The following TG variants were observed in gnomAD, a reference collection of about 807,000 sequenced individuals.
TG encodes thyroid hormones.
A neutral mutation model predicts 324.7 loss-of-function variants in TG; 270 were observed. The observed-to-expected ratio is 0.83, with a 90% confidence interval of 0.75 to 0.92. The LOEUF is 0.92. Ranked by LOEUF, TG falls within the 40% of genes least tolerant of loss-of-function variation. The probability of loss-of-function intolerance (pLI) is 0.00; values close to 1 mark genes in which losing one functional copy is unlikely to be tolerated. For missense variants in TG, 3,591 were observed against 3,456.4 expected (o/e 1.04, Z -0.98); for synonymous variants, 1,401 against 1,327.0 (o/e 1.06, Z -1.21).
intron 41 of TG, among the ~76,000 whole-genome samples, chr8:133,045,719 AAC>A (rs1276756719): frequency 1.3e-5 from 2 of 152,106 alleles, no homozygotes; most frequent in Admixed American, 6.5e-5. Flanking sequence ...TTTTGAGGCA[AAC>A]ACATTTGGGG....
chr8:133,005,023 G>T (rs1352585468), intron 35 of TG, among the ~76,000 whole-genome samples: 2 of 152,132 alleles, frequency 1.3e-5, no homozygotes, highest in African/African-American at 2.4e-5. Context: ...TGGAGGGAGT[G>T]GTGGAAACAT....
At chr8:133,027,216 C>T (rs147486555) in intron 40 of TG, among the ~76,000 whole-genome samples, 49 of 152,326 alleles carry the variant, frequency 3.2e-4, no homozygotes, top group Non-Finnish European at 7.3e-5. Flanking sequence ...AGAGCCAATT[C>T]AACAATGAGG....
chr8:133,120,413 A>C (rs1212218240), intron 45 of TG, among the ~76,000 whole-genome samples: 2 of 152,190 alleles, frequency 1.3e-5, no homozygotes, highest in Non-Finnish European at 2.9e-5. Context: ...ACAAAGTGCC[A>C]CCAAAACTGG....
chr8:132,889,165 T>C (rs1815866682), intron 10 of TG, among the ~76,000 whole-genome samples: 2 of 152,190 alleles, frequency 1.3e-5, no homozygotes. Context: ...AAGCCATAAA[T>C]AGAATGAAGC....
chr8:132,932,339 C>G (rs1272719577), intron 23 of TG, among the ~76,000 whole-genome samples: 1 of 152,142 alleles, frequency 6.6e-6, no homozygotes, highest in Non-Finnish European at 1.5e-5. Flanking sequence ...AGGAAGACAT[C>G]TCTATCCCAG....
chr8:132,928,715 G>T (rs1822246299), intron 22 of TG, among the ~76,000 whole-genome samples: 1 of 152,188 alleles, frequency 6.6e-6, no homozygotes, highest in Non-Finnish European at 1.5e-5. Context: ...TTTACAGAAA[G>T]AAAATGCCAG....
intron 21 of TG, among the ~76,000 whole-genome samples, chr8:132,919,965 A>G (rs1350156476): frequency 6.6e-6 from 1 of 152,246 alleles, no homozygotes; most frequent in Non-Finnish European, 1.5e-5. Flanking sequence ...TAAGACTCCA[A>G]GAAAAGAAAG....
chr8:132,969,235 C>T (rs1321254769), intron 31 of TG, among the ~76,000 whole-genome samples: 1 of 152,082 alleles, frequency 6.6e-6, no homozygotes, highest in Non-Finnish European at 1.5e-5. Context: ...TTTCTAGCTT[C>T]CAACATTTTG....
At chr8:133,072,257 G>T (rs1190876188) in intron 41 of TG, among the ~76,000 whole-genome samples, 1 of 152,224 alleles carries the variant, frequency 6.6e-6, no homozygotes, top group Non-Finnish European at 1.5e-5. Flanking sequence ...TAAAATTGCT[G>T]TCTTAGCTAG....
rs1274756498 is a variant in TG, at chr8:132,935,064, G to C, written c.4933-692G>C. Among the ~76,000 whole-genome samples, 6 of 151,684 alleles carry C rather than the reference G, an allele frequency of 4.0e-5. No homozygotes were observed. In the East Asian group the frequency reaches 1.2e-3, roughly 29 times the overall value. On this transcript the variant is annotated intron_variant, in intron 24 of 47. Transcript: ENST00000220616. ...TGAACCTAGTTCTGAAAACACCCATGAAATTCTGGGTCCCTGAGTCTGCTG... is the reference window on the plus strand; with the variant it reads ...TGAACCTAGTTCTGAAAACACCCATCAAATTCTGGGTCCCTGAGTCTGCTG...
chr8:132,992,108 A>T (rs1832416025), intron 35 of TG, among the ~76,000 whole-genome samples: 1 of 152,040 alleles, frequency 6.6e-6, no homozygotes, highest in African/African-American at 2.4e-5. Context: ...CCCTTTGTTC[A>T]GTTGCTTATT....
intron 27 of TG, among the ~76,000 whole-genome samples, chr8:132,950,551 T>C (rs141449972): frequency 5.6e-4 from 86 of 152,340 alleles, no homozygotes; most frequent in African/African-American, 2.0e-3. Context: ...CAGGGCTTAG[T>C]GCTTCCTCGA....
At chr8:133,112,132 G>T (rs2979037) in intron 43 of TG, among the ~76,000 whole-genome samples, 1 of 8,644 alleles carries the variant, frequency 1.2e-4, no homozygotes, top group Non-Finnish European at 2.6e-4. Context: ...GAGTGGCTGT[G>T]CCCACCCAGG....
At chr8:132,980,918 T>C (rs1394828026) in intron 34 of TG, among the ~76,000 whole-genome samples, 1 of 139,562 alleles carries the variant, frequency 7.2e-6, no homozygotes, top group African/African-American at 2.7e-5. Flanking sequence ...CATCAGATTG[T>C]TAGGGAATTA....
intron 27 of TG, among the ~76,000 whole-genome samples, chr8:132,960,646 A>G (rs1827607974): frequency 6.6e-6 from 1 of 152,214 alleles, no homozygotes; most frequent in African/African-American, 2.4e-5. Flanking sequence ...ATGAGGCAAG[A>G]GTCTCTGAGG....
At chr8:132,887,853 T>G (rs1815651001) in intron 9 of TG, 131 bp from the exon 10 acceptor site, 2 of 935,590 alleles carry the variant, frequency 2.1e-6, no homozygotes, top group Non-Finnish European at 3.3e-6. Context: ...ATTTACAAAT[T>G]TAAGCTTCAT....
At chr8:133,090,732 C>G (rs1339500223) in intron 41 of TG, among the ~76,000 whole-genome samples, 1 of 152,208 alleles carries the variant, frequency 6.6e-6, no homozygotes, top group Non-Finnish European at 1.5e-5. Context: ...ATCATAATAT[C>G]TCCATTTTAC....
At position 132,919,391 on chromosome 8, in the gene TG, G is replaced by C; in HGVS notation, c.4394G>C (p.Gly1465Ala). Reference sequence around the variant, plus strand: ...TTTTTTCTAGTTAAGTGTCCTGAAGGAAGCTATTCCCAAGATGAGGAATGC... The same window carrying C: ...TTTTTTCTAGTTAAGTGTCCTGAAGCAAGCTATTCCCAAGATGAGGAATGC... ...DGLGCVKCPEGSYSQDEECIP... is the reference protein window; with the variant it reads ...DGLGCVKCPEASYSQDEECIP... The change falls in exon 21 of 48, where the codon GGA (glycine) becomes GCA (alanine). Residue 1465 changes from glycine (G) to alanine (A), a missense_variant. Gly to Ala is a moderately conservative substitution (Grantham distance 60, BLOSUM62 0). Coordinates refer to ENST00000220616, the MANE Select transcript of TG (RefSeq NM_003235.5). 1 of 1,614,024 alleles carries C rather than the reference G, an allele frequency of 6.2e-7. No homozygotes were observed. Among genetic ancestry groups the C allele is most frequent in the Non-Finnish European group, 8.5e-7 (1 of 1,179,998 alleles).
At chr8:133,066,325 CA>C (rs11395047) in intron 41 of TG, among the ~76,000 whole-genome samples, 3,670 of 86,982 alleles carry the variant, frequency 0.042, 61 homozygotes, top group African/African-American at 0.11. Context: ...GACTCTGTCT[CA>C]AAAAAAAAAA....
Sources: gnomAD v4.1 joint callset for allele counts (sites outside exome capture counted in the v4.1 genomes callset) on GRCh38, gnomAD v4.1.1 for gene constraint, MANE v1.5 for transcripts, NCBI Gene and HGNC (gene_info 2026-07-23, HGNC 2026-07-21) for gene names.